RSU1: variants seen among roughly 807,000 people sequenced by gnomAD.
The protein encoded by RSU1 is Ras suppressor protein 1.
In RSU1, 26 loss-of-function variants were observed where a neutral mutation model predicts 31.1. That is an observed-to-expected ratio of 0.84 (90% CI 0.61 to 1.16). The LOEUF (loss-of-function observed/expected upper bound fraction) is 1.16, where lower values mean the gene tolerates loss of function less well. Among genes scored for constraint, RSU1 ranks in the 50% most tolerant of loss-of-function variants. The probability of loss-of-function intolerance (pLI) is 0.00; values close to 1 mark genes in which losing one functional copy is unlikely to be tolerated. For missense variants in RSU1, 320 were observed against 339.1 expected (o/e 0.94, Z 0.44); for synonymous variants, 164 against 136.3 (o/e 1.20, Z -1.41).
intron 8 of RSU1, among the ~76,000 whole-genome samples, chr10:16,688,499 C>T (rs963063168): frequency 6.6e-6 from 1 of 152,132 alleles, no homozygotes; most frequent in African/African-American, 2.4e-5. Context: ...GTCCCAGCCA[C>T]TCGGGAGGCT....
chr10:16,682,881 C>T (rs1835358397), intron 8 of RSU1, among the ~76,000 whole-genome samples: 1 of 152,122 alleles, frequency 6.6e-6, no homozygotes. Flanking sequence ...CGCACATGCC[C>T]TCCTTATGAG....
intron 8 of RSU1, among the ~76,000 whole-genome samples, chr10:16,668,257 C>A (rs1588703960): frequency 6.6e-6 from 1 of 152,110 alleles, no homozygotes; most frequent in South Asian, 2.1e-4. Context: ...ATTATTTGAC[C>A]TTGATGAGAT....
chr10:16,761,717 G>A (rs566487494), intron 4 of RSU1, among the ~76,000 whole-genome samples: 6 of 152,198 alleles, frequency 3.9e-5, no homozygotes, highest in African/African-American at 4.8e-5. Flanking sequence ...TTAGCTGGGC[G>A]TGGTGGCAGG....
chr10:16,812,556 G>T (rs1231480179), intron 2 of RSU1, among the ~76,000 whole-genome samples: 2 of 152,190 alleles, frequency 1.3e-5, no homozygotes, highest in African/African-American at 2.4e-5. Context: ...GACATGGATA[G>T]CATGTGTTCC....
intron 8 of RSU1, among the ~76,000 whole-genome samples, chr10:16,647,485 T>C (rs942407786): frequency 6.6e-6 from 1 of 152,220 alleles, no homozygotes; most frequent in African/African-American, 2.4e-5. Context: ...ATAGCCAGAA[T>C]AACCCAAATA....
intron 8 of RSU1, among the ~76,000 whole-genome samples, chr10:16,610,789 C>T (rs754841041): frequency 4.4e-4 from 67 of 152,236 alleles, no homozygotes; most frequent in African/African-American, 1.5e-3. Flanking sequence ...CCCTGCTGGT[C>T]CATGGAAAAA....
At position 16,636,768 on chromosome 10, in the gene RSU1, C is replaced by T. The variant is rs547173228; in HGVS notation, c.732-43272G>A. ...CACTTGCCAGTCCCACTGTCTGAAA[C>T]ATTCTTTCTCTAAATTTCTGCACAT... On this transcript the variant is annotated intron_variant, in intron 8 of 8. Coordinates refer to ENST00000345264, the MANE Select transcript of RSU1 (RefSeq NM_012425.4). Among the ~76,000 whole-genome samples the T allele has an allele frequency of 6.6e-5, 10 of 152,280 alleles. No individual in the cohort carries two copies. The South Asian group carries it at 2.1e-3, about 32-fold the overall frequency.
intron 8 of RSU1, among the ~76,000 whole-genome samples, chr10:16,686,550 A>T (rs1044074271): frequency 6.6e-6 from 1 of 152,164 alleles, no homozygotes; most frequent in Non-Finnish European, 1.5e-5. Context: ...AGTCTAGCTG[A>T]TATTTATTTT....
intron 8 of RSU1, among the ~76,000 whole-genome samples, chr10:16,684,762 T>C (rs944768084): frequency 5.9e-5 from 9 of 151,812 alleles, no homozygotes; most frequent in African/African-American, 9.7e-5. Flanking sequence ...CGAATACAAA[T>C]AGTAAAGACA....
chr10:16,726,267 C>CTTTTTTTTT (rs760586484), intron 7 of RSU1, among the ~76,000 whole-genome samples: 2 of 137,086 alleles, frequency 1.5e-5, no homozygotes, highest in African/African-American at 3.0e-5. Flanking sequence ...AGGAACGTAT[C>CTTTTTTTTT]TTTTTTTTTT....
intron 3 of RSU1, among the ~76,000 whole-genome samples, chr10:16,779,734 G>A (rs1807204158): frequency 6.6e-6 from 1 of 152,176 alleles, no homozygotes; most frequent in Admixed American, 6.5e-5. Flanking sequence ...CATAAAAAGT[G>A]ACAGCAGGGT....
chr10:16,797,365 C>G (rs1255485397), intron 2 of RSU1, among the ~76,000 whole-genome samples: 1 of 152,156 alleles, frequency 6.6e-6, no homozygotes, highest in Non-Finnish European at 1.5e-5. Context: ...TGAAAGCAAG[C>G]CACTGTATTT....
At chr10:16,766,517 C>T (rs1397707978) in intron 3 of RSU1, among the ~76,000 whole-genome samples, 1 of 152,190 alleles carries the variant, frequency 6.6e-6, no homozygotes, top group African/African-American at 2.4e-5. Flanking sequence ...GAGTTCAAGA[C>T]TAGCCTGACC....
At chr10:16,627,474 C>T (rs915769686) in intron 8 of RSU1, among the ~76,000 whole-genome samples, 1 of 152,090 alleles carries the variant, frequency 6.6e-6, no homozygotes. Flanking sequence ...CAATTATTGG[C>T]CAGGCATGGT....
chr10:16,594,623 A>T (rs1833576028), intron 8 of RSU1, among the ~76,000 whole-genome samples: 1 of 144,316 alleles, frequency 6.9e-6, no homozygotes, highest in Non-Finnish European at 1.5e-5. Flanking sequence ...TATATGATAT[A>T]TATGATAGAT....
intron 8 of RSU1, among the ~76,000 whole-genome samples, chr10:16,660,645 CTT>C (rs796601054): frequency 1.0e-4 from 8 of 79,542 alleles, no homozygotes; most frequent in Middle Eastern, 8.8e-3. Flanking sequence ...CTTGAACTCT[CTT>C]TTTTTTTTTT....
At chr10:16,766,715 CGAGAA>C (rs1286571456) in intron 3 of RSU1, among the ~76,000 whole-genome samples, 1 of 151,214 alleles carries the variant, frequency 6.6e-6, no homozygotes, top group Non-Finnish European at 1.5e-5. Flanking sequence ...AACTCTATCT[CGAGAA>C]GAGAAAAGAT....
At chr10:16,731,810 ATTTT>A (rs895814657) in intron 7 of RSU1, among the ~76,000 whole-genome samples, 3 of 144,958 alleles carry the variant, frequency 2.1e-5, no homozygotes, top group African/African-American at 7.6e-5. Flanking sequence ...GTTCTTGCTC[ATTTT>A]TTTTTTTCTA....
intron 8 of RSU1, among the ~76,000 whole-genome samples, chr10:16,650,576 CTT>C (rs139231306): frequency 4.2e-3 from 471 of 112,518 alleles, no homozygotes; most frequent in African/African-American, 0.013. Context: ...TCCTGAAAAG[CTT>C]TTTTTTTTTT....
Sources: gnomAD v4.1 joint callset for allele counts (sites outside exome capture counted in the v4.1 genomes callset) on GRCh38, gnomAD v4.1.1 for gene constraint, MANE v1.5 for transcripts, NCBI Gene and HGNC (gene_info 2026-07-23, HGNC 2026-07-21) for gene names.